RASSF3: variants seen among roughly 807,000 people sequenced by gnomAD.
RASSF3 encodes Ras association domain family member 3.
In RASSF3, 19 loss-of-function variants were observed where a neutral mutation model predicts 19.9. The ratio of observed to expected loss-of-function variants is 0.96; its 90% CI spans 0.67 to 1.40. The LOEUF (loss-of-function observed/expected upper bound fraction) is 1.40. Ranked by LOEUF, RASSF3 falls within the 40% of genes most tolerant of loss-of-function variation. The probability of loss-of-function intolerance (pLI) is 0.00; values close to 1 mark genes in which losing one functional copy is unlikely to be tolerated. For missense variants in RASSF3, 306 were observed against 289.8 expected, an observed-to-expected ratio of 1.06 and a Z score of -0.41; for synonymous variants, 110 against 104.2, an observed-to-expected ratio of 1.06 and a Z score of -0.34.
intron 1 of RASSF3, among the ~76,000 whole-genome samples, chr12:64,652,519 T>A (rs17100514): frequency 0.018 from 2,715 of 150,964 alleles, 86 homozygotes; most frequent in African/African-American, 0.063. Flanking sequence ...CAGGCTTGGC[T>A]CGAGGACTGT....
chr12:64,508,656 G>A (rs1353846550), intron 1 of RASSF3, among the ~76,000 whole-genome samples: 3 of 151,696 alleles, frequency 2.0e-5, no homozygotes, highest in African/African-American at 4.8e-5. Context: ...AGGCCGAGGC[G>A]GGCAGATCAC....
At chr12:64,624,144 C>T (rs574281880) in intron 1 of RASSF3, among the ~76,000 whole-genome samples, 58 of 151,994 alleles carry the variant, frequency 3.8e-4, no homozygotes, top group Non-Finnish European at 7.6e-4. Context: ...TGTAGCGGAA[C>T]GAGTACGTTT....
At chr12:64,573,333 T>C (rs1006501421) in intron 2 of RASSF3, among the ~76,000 whole-genome samples, 23 of 152,260 alleles carry the variant, frequency 1.5e-4, no homozygotes, top group African/African-American at 5.3e-4. Context: ...ACAAAAACAC[T>C]TTTCATCTAA....
intron 1 of RASSF3, among the ~76,000 whole-genome samples, chr12:64,616,261 A>G (rs529691692): frequency 1.2e-4 from 18 of 152,306 alleles, no homozygotes; most frequent in African/African-American, 4.1e-4. Flanking sequence ...CCAACTCACA[A>G]GATTTGGAAT....
chr12:64,649,015 G>A lies in RASSF3; in HGVS notation c.112-35772G>A, dbSNP rs73321736. Among the ~76,000 whole-genome samples, 1,061 of 151,404 alleles carry A rather than the reference G, an allele frequency of 7.0e-3. 15 individuals carry two copies. The highest frequency in any genetic ancestry group is 0.025 in the African/African-American group (1,022 of 41,244). On this transcript the variant is annotated intron_variant, in intron 1 of 4. Transcript: ENST00000542104. ...TGTAGAGACAGGGTCTCATTATGTT[G>A]CCCAGCTGGTCTCAAACTCATGGCC... is the stretch of plus-strand genomic sequence containing the variant.
At chr12:64,690,499 A>T (rs1024822226) in intron 3 of RASSF3, among the ~76,000 whole-genome samples, 2 of 151,554 alleles carry the variant, frequency 1.3e-5, no homozygotes, top group African/African-American at 4.9e-5. Flanking sequence ...TTTTTGAGAC[A>T]GCGTCTTACT....
chr12:64,581,856 C>CT (rs576156131), intron 2 of RASSF3, among the ~76,000 whole-genome samples: 43 of 143,826 alleles, frequency 3.0e-4, no homozygotes, highest in Admixed American at 6.2e-4. Context: ...AGAGATTGAC[C>CT]TTTTTTTTTT....
intron 2 of RASSF3, among the ~76,000 whole-genome samples, chr12:64,596,304 T>C (rs772000042): frequency 1.3e-5 from 2 of 152,254 alleles, no homozygotes; most frequent in Non-Finnish European, 2.9e-5. Context: ...ATCTACCTTA[T>C]GCTAGTTGAT....
intron 2 of RASSF3, among the ~76,000 whole-genome samples, chr12:64,556,434 A>G (rs1353383149): frequency 6.6e-6 from 1 of 152,128 alleles, no homozygotes; most frequent in African/African-American, 2.4e-5. Flanking sequence ...CTGGGATTAC[A>G]GGGGTGTAAT....
chr12:64,612,593 A>G (rs1003300312), intron 1 of RASSF3, among the ~76,000 whole-genome samples: 7 of 147,614 alleles, frequency 4.7e-5, no homozygotes, highest in African/African-American at 1.8e-4. Context: ...CCCTTGCCTC[A>G]GCTTCCCGAG....
At chr12:64,567,741 G>A (rs554388658) in intron 2 of RASSF3, among the ~76,000 whole-genome samples, 8 of 152,342 alleles carry the variant, frequency 5.3e-5, no homozygotes, top group Admixed American at 3.3e-4. Context: ...CTCACAAGTC[G>A]CACTGATGGA....
chr12:64,648,802 A>ACTTTTT (rs71434056), intron 1 of RASSF3, among the ~76,000 whole-genome samples: 1 of 105,018 alleles, frequency 9.5e-6, no homozygotes, highest in African/African-American at 3.9e-5. Context: ...TTTTACATTG[A>ACTTTTT]TTTTTTTTTT....
chr12:64,562,689 C>T (rs550842318), intron 2 of RASSF3, among the ~76,000 whole-genome samples: 5 of 152,118 alleles, frequency 3.3e-5, no homozygotes, highest in East Asian at 3.9e-4. Flanking sequence ...GGCTTGATCA[C>T]GGCTCACTGC....
chr12:64,508,835 G>A (rs971665518), intron 1 of RASSF3, among the ~76,000 whole-genome samples: 8 of 150,676 alleles, frequency 5.3e-5, no homozygotes, highest in Admixed American at 1.3e-4. Flanking sequence ...GCGGTGAGCC[G>A]AGATTGTGCG....
In RASSF3 at chr12:64,689,818, G is replaced by A. The variant is rs75257029; in HGVS notation, c.457+1365G>A. The stretch of plus-strand genomic sequence containing the variant: ...TTTTTTTTTTTTGAGACGGAGTCTC[G>A]TTCTGTCACCCAGGCTGGAGGTGCA... On this transcript the variant is annotated intron_variant, in intron 3 of 4. Coordinates refer to ENST00000542104, the MANE Select transcript of RASSF3 (RefSeq NM_178169.4). Among the ~76,000 whole-genome samples, 10 of 36,680 alleles carry A rather than the reference G, an allele frequency of 2.7e-4. No individual in the cohort carries two copies. The East Asian group carries it at 3.8e-3, about 14-fold the overall frequency. The allele number at this position is 36,680 out of a possible 152,430, so 24.1% of individuals were successfully genotyped here.
intron 1 of RASSF3, among the ~76,000 whole-genome samples, chr12:64,671,489 C>G (rs534063339): frequency 6.6e-6 from 1 of 152,280 alleles, no homozygotes; most frequent in Middle Eastern, 3.4e-3. Flanking sequence ...GTAAGTGTTT[C>G]ACACCCTATC....
chr12:64,648,168 A>G (rs1434977006), intron 1 of RASSF3, among the ~76,000 whole-genome samples: 1 of 152,226 alleles, frequency 6.6e-6, no homozygotes, highest in Non-Finnish European at 1.5e-5. Flanking sequence ...TGGTGGGTAC[A>G]TGTGTGACAG....
Position 64,572,370 on chromosome 12 carries a change from T to C in RASSF3, c.294+30665T>C, listed in dbSNP as rs140746011. Among the ~76,000 whole-genome samples, 1,111 of 151,910 alleles carry C rather than the reference T, an allele frequency of 7.3e-3. 14 individuals are homozygous for C. The highest frequency in any genetic ancestry group is 0.012 in the Non-Finnish European group (838 of 68,022). ...GCTCTGTCTCCCTCTTTGTCTGCCATATAAAGACACAGTGAGAAGGTAGCC... is the reference window on the plus strand; with the variant it reads ...GCTCTGTCTCCCTCTTTGTCTGCCACATAAAGACACAGTGAGAAGGTAGCC... On this transcript the variant is annotated intron_variant, in intron 2 of 5. Transcript: ENST00000637125.
intron 1 of RASSF3, among the ~76,000 whole-genome samples, chr12:64,626,041 C>T (rs1047866212): frequency 1.3e-5 from 2 of 152,106 alleles, no homozygotes; most frequent in African/African-American, 2.4e-5. Flanking sequence ...GTATGTTTCT[C>T]ACAATGAATT....
Sources: gnomAD v4.1 joint callset for allele counts (sites outside exome capture counted in the v4.1 genomes callset) on GRCh38, gnomAD v4.1.1 for gene constraint, MANE v1.5 for transcripts, NCBI Gene and HGNC (gene_info 2026-07-23, HGNC 2026-07-21) for gene names.